Variants in TDRD6 observed in about 807,000 individuals in gnomAD.
The protein encoded by TDRD6 is tudor domain containing 6, also known as tudor domain-containing protein 6.
Under a neutral mutation model 157.5 loss-of-function variants are expected in TDRD6, and 186 were observed. The observed-to-expected ratio is 1.18, with a 90% confidence interval of 1.05 to 1.33. The LOEUF (loss-of-function observed/expected upper bound fraction) is 1.33, where lower values mean the gene tolerates loss of function less well. TDRD6 is among the 40% of genes most tolerant of loss of function. The pLI is 0.00. For synonymous variants in TDRD6, 1,075 were observed against 945.2 expected (o/e 1.14, Z -2.52); for missense variants, 3,066 against 2,508.0 (o/e 1.22, Z -4.75).
upstream of TDRD6, among the ~76,000 whole-genome samples, chr6:46,683,638 C>T (rs954791923): frequency 2.0e-5 from 3 of 151,848 alleles, no homozygotes; most frequent in Admixed American, 6.6e-5. Flanking sequence ...TTTAAAAAAC[C>T]TAATTTAAGA....
chr6:46,689,617 A>C lies in TDRD6; in HGVS notation c.1489A>C (p.Lys497Gln). Residue 497 changes from lysine (K) to glutamine (Q), a missense_variant, in exon 1 of 4, where the codon AAA becomes CAA. By Grantham distance (53) the Lys-to-Gln change is moderately conservative. Transcript: ENST00000316081. ...CTACGATGCGCAGGTAGAGTTTGTTAAAAATCCTTCTGAGTTTTGGATTAG... is the reference window on the plus strand; with the variant it reads ...CTACGATGCGCAGGTAGAGTTTGTTCAAAATCCTTCTGAGTTTTGGATTAG... ...AFYDAQVEFV[K>Q]NPSEFWIRLR... 1 of 1,614,158 alleles carries C rather than the reference A, an allele frequency of 6.2e-7. No homozygotes were observed. Among genetic ancestry groups the C allele is most frequent in the Non-Finnish European group, 8.5e-7 (1 of 1,180,032 alleles).
upstream of TDRD6, among the ~76,000 whole-genome samples, chr6:46,683,440 TAAC>T (rs1764010552): frequency 6.6e-6 from 1 of 151,916 alleles, no homozygotes; most frequent in Non-Finnish European, 1.5e-5. Context: ...AGTGGAACAA[TAAC>T]AACAAAATAA....
At position 46,688,472 on chromosome 6, in the gene TDRD6, G is replaced by T. The variant is rs1375320277; in HGVS notation, c.344G>T (p.Gly115Val). 3 of 1,546,642 alleles carry T rather than the reference G, an allele frequency of 1.9e-6. No individual in the cohort carries two copies. In the South Asian group the frequency reaches 3.5e-5, roughly 18 times the overall value. ...GCCGGAGCAGGCTCGCTGGCGCCTG[G>T]GCGCAGAGAGTTCTTCAATTTGCCC... Reference protein sequence around the residue: ...ITAGAGSLAPGRREFFNLPSE... With the variant: ...ITAGAGSLAPVRREFFNLPSE... The change falls in exon 1 of 4, where the codon GGG becomes GTG. Residue 115 changes from glycine (G) to valine (V), a missense_variant. Transcript: ENST00000316081.
intron 3 of TDRD6, among the ~76,000 whole-genome samples, chr6:46,698,577 C>T (rs1017670813): frequency 3.9e-5 from 6 of 152,068 alleles, no homozygotes; most frequent in African/African-American, 1.4e-4. Flanking sequence ...GGCAATTTGC[C>T]ATGACATTAT....
rs149966301 is a variant in TDRD6, at chr6:46,691,694, T to G, written c.3566T>G (p.Leu1189Trp). 3.2e-4 allele frequency: 511 copies of G among 1,610,614 alleles called. No homozygotes were observed. Among genetic ancestry groups the G allele is most frequent in the Middle Eastern group, 1.3e-3 (8 of 6,026 alleles). ...GAAGAAAAAAATGAGAATATGAAGT[T>G]GCCATGTACAGAGTATTTAAGTAAA... is the stretch of plus-strand genomic sequence containing the variant. ...TLEEKNENMK[L>W]PCTEYLSKSV... The change falls in exon 1 of 4, where the codon TTG (leucine) becomes TGG (tryptophan). Residue 1189 changes from leucine (L) to tryptophan (W), a missense_variant. By Grantham distance (61) the Leu-to-Trp change is moderately conservative. Transcript: ENST00000316081.
chr6:46,701,734 A>C (rs1764629621), intron 3 of TDRD6, 124 bp from the exon 4 acceptor site: 152 of 808,224 alleles, frequency 1.9e-4, no homozygotes, highest in Middle Eastern at 2.8e-4. Context: ...TAGTAATTAG[A>C]ATACTCATCT....
intron 3 of TDRD6, 66 bp from the exon 4 acceptor site, chr6:46,701,792 A>G: frequency 4.5e-6 from 7 of 1,552,416 alleles, no homozygotes; most frequent in Non-Finnish European, 6.2e-6. Context: ...GGTAACACCC[A>G]TGGAAATAAA....
rs1562055122 is a variant in TDRD6, at chr6:46,690,888, A to C, written c.2760A>C (p.Leu920Phe). 6.2e-7 allele frequency: 1 copy of C among 1,613,786 alleles called. No individual in the cohort carries two copies. The highest frequency in any genetic ancestry group is 8.5e-7 in the Non-Finnish European group (1 of 1,179,952). ...IDNAWQKNLE[L>F]KCTIFALASI... ...ATGCATGGCAAAAAAATCTAGAATT[A>C]AAATGTACAATATTTGCTCTGGCTT... Residue 920 changes from leucine (L) to phenylalanine (F), a missense_variant, in exon 1 of 4, where the codon TTA (leucine) becomes TTC (phenylalanine). Coordinates refer to ENST00000316081, the MANE Select transcript of TDRD6 (RefSeq NM_001010870.3).
intron 2 of TDRD6, among the ~76,000 whole-genome samples, chr6:46,696,612 T>A (rs1179621176): frequency 1.9e-4 from 13 of 68,088 alleles, no homozygotes; most frequent in African/African-American, 8.1e-4. Context: ...TTTTTTTTTT[T>A]TTTTTTTTTT....
chr6:46,703,016 T>C lies in TDRD6; in HGVS notation c.*1129T>C, dbSNP rs1764661161. The C allele has an allele frequency of 6.6e-6, 1 of 152,118 alleles. No individual in the cohort carries two copies. Among genetic ancestry groups the C allele is most frequent in the East Asian group, 1.9e-4 (1 of 5,202 alleles). 9.4% of individuals were successfully genotyped at this position (152,118 alleles called of 1,614,324 possible). A position where few individuals can be genotyped will look rare whatever the true frequency, so the allele number is the denominator to read the frequency against. On this transcript the variant is annotated 3_prime_UTR_variant, in exon 4 of 4. Transcript: ENST00000316081. ...CTCAGTGTGCACTATGTTAGGTTAT[T>C]TCTTTTTAACCTTAACTTATTAGAT...
the TDRD6 span, chr6:46,681,675 G>C: frequency 1.4e-5 from 6 of 429,412 alleles, no homozygotes; most frequent in African/African-American, 1.2e-4. Context: ...GATTTTAAAA[G>C]TAAATATTTT....
Position 46,693,011 on chromosome 6 carries a change from C to T in TDRD6, c.4883C>T (p.Pro1628Leu), listed in dbSNP as rs1291491333. The T allele has an allele frequency of 2.5e-6, 4 of 1,612,614 alleles. No individual in the cohort carries two copies. Among genetic ancestry groups the T allele is most frequent in the Non-Finnish European group, 3.4e-6 (4 of 1,179,348 alleles). Reference sequence around the variant, plus strand: ...ATTCCTTCTGAACTTCTGTCGGTTCCCATGCAAGCCTTTCCATGTTGCCTC... The same window carrying T: ...ATTCCTTCTGAACTTCTGTCGGTTCTCATGCAAGCCTTTCCATGTTGCCTC... ...WAIPSELLSV[P>L]MQAFPCCLSG... The change falls in exon 1 of 4, where the codon CCC (proline) becomes CTC (leucine). Residue 1628 changes from proline (P) to leucine (L), a missense_variant. Pro to Leu is a moderately conservative substitution (Grantham distance 98). Transcript: ENST00000316081.
In TDRD6 at chr6:46,691,215, A is replaced by G. The variant is rs200888384; in HGVS notation, c.3087A>G (p.Leu1029=). The G allele has an allele frequency of 1.9e-4, 313 of 1,613,510 alleles. No individual in the cohort carries two copies. Among genetic ancestry groups the G allele is most frequent in the Middle Eastern group, 5.0e-4 (3 of 6,052 alleles). Reference sequence around the variant, plus strand: ...AATTAAGTAAAGTTTTGCTGAATTTAAAAACATCTCCCTTGAACCCTGGAA... The same window carrying G: ...AATTAAGTAAAGTTTTGCTGAATTTGAAAACATCTCCCTTGAACCCTGGAA... The part of the protein sequence containing the change: ...ITQLSKVLLN[L]KTSPLNPGTL... Residue 1029 remains leucine (L), a synonymous_variant, in exon 1 of 4, where the codon TTA becomes TTG. Transcript: ENST00000316081.
rs150625491 is a variant in TDRD6 at position 46,689,950 on chromosome 6, T to C, written c.1822T>C (p.Leu608=). The C allele has an allele frequency of 1.9e-6, 3 of 1,613,924 alleles. No homozygotes were observed. Among genetic ancestry groups the C allele is most frequent in the Non-Finnish European group, 2.5e-6 (3 of 1,179,986 alleles). ...GTGCACCCTGGCTGATATTTGGCCTTTGGGAAAAACTTGGAGCCAGGAGGC... is the reference window on the plus strand; with the variant it reads ...GTGCACCCTGGCTGATATTTGGCCTCTGGGAAAAACTTGGAGCCAGGAGGC... ...VKCTLADIWP[L]GKTWSQEAVS... is the part of the protein sequence containing the mutation. The change falls in exon 1 of 4, where the codon TTG becomes CTG. Residue 608 remains leucine (L), a synonymous_variant. Transcript: ENST00000316081.
At chr6:46,700,605 T>A (rs1254269443) in intron 3 of TDRD6, among the ~76,000 whole-genome samples, 1 of 152,190 alleles carries the variant, frequency 6.6e-6, no homozygotes, top group Non-Finnish European at 1.5e-5. Context: ...AAAAGGAATA[T>A]AGGAGAAATA....
At position 46,688,564 on chromosome 6, in the gene TDRD6, C is replaced by G. The variant is rs908781836; in HGVS notation, c.436C>G (p.Pro146Ala). The G allele has an allele frequency of 1.3e-6, 2 of 1,587,816 alleles. No homozygotes were observed. Among genetic ancestry groups the G allele is most frequent in the African/African-American group, 2.7e-5 (2 of 74,610 alleles). The change falls in exon 1 of 4, where the codon CCG (proline) becomes GCG (alanine). Residue 146 changes from proline (P) to alanine (A), a missense_variant. Transcript: ENST00000316081. ...PAGCGAGSGEPPQHWPADAVD... is the reference protein window; with the variant it reads ...PAGCGAGSGEAPQHWPADAVD... ...AGGCTGCGGCGCGGGCTCAGGCGAG[C>G]CGCCGCAGCACTGGCCCGCCGACGC...
Position 46,688,631 on chromosome 6 carries a change from G to C in TDRD6, c.503G>C (p.Gly168Ala). 6.3e-7 allele frequency: 1 copy of C among 1,599,218 alleles called. No individual in the cohort carries two copies. The highest frequency in any genetic ancestry group is 8.5e-7 in the Non-Finnish European group (1 of 1,179,858). Residue 168 changes from glycine (G) to alanine (A), a missense_variant, in exon 1 of 4, where the codon GGG becomes GCG. Transcript: ENST00000316081. ...LSNLQGKEVH[G>A]CVLDVLLLHR... ...AACCTTCAGGGCAAGGAGGTGCACG[G>C]GTGCGTCCTGGACGTGCTGCTGCTC...
At position 46,689,352 on chromosome 6, in the gene TDRD6, G is replaced by T. The variant is rs1308873020; in HGVS notation, c.1224G>T (p.Lys408Asn). 1.9e-6 allele frequency: 3 copies of T among 1,614,022 alleles called. No homozygotes were observed. The highest frequency in any genetic ancestry group is 1.1e-5 in the South Asian group (1 of 91,092). The stretch of plus-strand genomic sequence containing the variant: ...TACTAGGCAAGGCAGTGAATGCAAA[G>T]ATTGAATTTTATTGCTCCTTTGAGC... ...TLILGKAVNA[K>N]IEFYCSFEHV... The change falls in exon 1 of 4, where the codon AAG (lysine) becomes AAT (asparagine). Residue 408 changes from lysine (K) to asparagine (N), a missense_variant. Lys to Asn is a moderately conservative substitution (Grantham distance 94, BLOSUM62 0). Coordinates refer to ENST00000316081, the MANE Select transcript of TDRD6 (RefSeq NM_001010870.3).
chr6:46,683,119 T>C (rs1009635530), upstream of TDRD6, among the ~76,000 whole-genome samples: 5 of 151,950 alleles, frequency 3.3e-5, no homozygotes, highest in Admixed American at 2.6e-4. Context: ...AAGACAGATA[T>C]ATAGATTGAT....
Sources: allele counts gnomAD v4.1 joint callset (sites outside exome capture counted in the v4.1 genomes callset), GRCh38; gene constraint gnomAD v4.1.1; transcripts MANE v1.5; gene names NCBI Gene and HGNC (gene_info 2026-07-23, HGNC 2026-07-21).